CENPF: variants seen among roughly 807,000 people sequenced by gnomAD.
CENPF encodes the protein centromere protein F.
Under a neutral mutation model 307.3 loss-of-function variants are expected in CENPF, and 214 were observed. That is an observed-to-expected ratio of 0.70 (90% CI 0.62 to 0.78). The LOEUF (loss-of-function observed/expected upper bound fraction) is 0.78, where lower values mean the gene tolerates loss of function less well. CENPF is among the 30% of genes least tolerant of loss of function. The pLI, the probability that CENPF is intolerant of heterozygous loss-of-function variation, is 0.00. For synonymous variants in CENPF, 1,259 were observed against 1,270.6 expected, an observed-to-expected ratio of 0.99 and a Z score of 0.19; for missense variants, 3,401 against 3,483.9, an observed-to-expected ratio of 0.98 and a Z score of 0.60.
intron 5 of CENPF, among the ~76,000 whole-genome samples, 187 bp from the exon 6 acceptor site, chr1:214,620,468 T>C (rs373426240): frequency 6.6e-6 from 1 of 152,196 alleles, no homozygotes; most frequent in East Asian, 1.9e-4. Flanking sequence ...TGCTAAGAAG[T>C]CGAGCATTAG....
Position 214,637,984 on chromosome 1 carries a change from T to C in CENPF, c.1565T>C (p.Phe522Ser). 6.2e-7 allele frequency: 1 copy of C among 1,609,196 alleles called. No individual in the cohort carries two copies. The highest frequency in any genetic ancestry group is 8.5e-7 in the Non-Finnish European group (1 of 1,178,972). ...IKQCLNQSQN[F>S]AEEMKAKNTS... is the part of the protein sequence containing the mutation. Reference sequence around the variant, plus strand: ...CAGTGTTTAAATCAGAGCCAGAATTTTGCAGAAGAAATGAAAGGTAAGTAA... The same window carrying C: ...CAGTGTTTAAATCAGAGCCAGAATTCTGCAGAAGAAATGAAAGGTAAGTAA... Residue 522 changes from phenylalanine to serine, a missense_variant, in exon 11 of 20, where the codon TTT becomes TCT. By Grantham distance (155) the Phe-to-Ser change is radical (BLOSUM62 -2). Transcript: ENST00000366955.
chr1:214,623,440 A>G (rs1657570856), intron 7 of CENPF, among the ~76,000 whole-genome samples: 1 of 152,142 alleles, frequency 6.6e-6, no homozygotes, highest in Admixed American at 6.5e-5. Flanking sequence ...GGTATCTGCA[A>G]GGAGTCCTGG....
At chr1:214,647,812 A>G (rs1658354553) in intron 13 of CENPF, among the ~76,000 whole-genome samples, 1 of 152,182 alleles carries the variant, frequency 6.6e-6, no homozygotes, top group Non-Finnish European at 1.5e-5. Flanking sequence ...TGCCTGCCTT[A>G]CTGTGTCTTT....
chr1:214,651,917 C>G (rs760358586), intron 15 of CENPF, 31 bp downstream of exon 15: 2 of 1,547,126 alleles, frequency 1.3e-6, no homozygotes. Context: ...ACTGGGGGAG[C>G]TGGAGAGTGT....
chr1:214,615,031 A>G lies in CENPF; in HGVS notation c.359+3A>G, dbSNP rs766984223. The G allele has an allele frequency of 1.3e-6, 2 of 1,589,136 alleles. No homozygotes were observed. Among genetic ancestry groups the G allele is most frequent in the Non-Finnish European group, 1.7e-6 (2 of 1,167,358 alleles). On this transcript the variant is annotated splice_donor_region_variant and intron_variant, in intron 3 of 19. Transcript: ENST00000366955. ...AAACTGGAACAGGAACTTAAAAGGTAATATTTTGGGATGGTATTTATAGGG... is the reference window on the plus strand; with the variant it reads ...AAACTGGAACAGGAACTTAAAAGGTGATATTTTGGGATGGTATTTATAGGG...
At chr1:214,612,977 C>T in intron 1 of CENPF, 1 of 302,550 alleles carries the variant, frequency 3.3e-6, no homozygotes. Context: ...GTAACCCTGT[C>T]CTTCAGGCAG....
In CENPF at chr1:214,657,172, G is replaced by A; in HGVS notation, c.8725G>A (p.Gly2909Arg). Reference protein sequence around the residue: ...GSPLLGPVVPGPSPIPSVTEK... With the variant: ...GSPLLGPVVPRPSPIPSVTEK... ...TCCTTTGCTAGGTCCAGTTGTTCCA[G>A]GACCATCTCCAATCCCTTCTGTTAC... The change falls in exon 18 of 20, where the codon GGA becomes AGA. Residue 2909 changes from glycine (G) to arginine (R), a missense_variant. Transcript: ENST00000366955. 1 of 1,614,140 alleles carries A rather than the reference G, an allele frequency of 6.2e-7. No individual in the cohort carries two copies. Among genetic ancestry groups the A allele is most frequent in the East Asian group, 2.2e-5 (1 of 44,884 alleles).
intron 1 of CENPF, among the ~76,000 whole-genome samples, chr1:214,609,160 C>T (rs947921403): frequency 1.3e-5 from 2 of 151,980 alleles, no homozygotes; most frequent in African/African-American, 2.4e-5. Flanking sequence ...GGTCCCTCCG[C>T]GCCCCGGCCG....
At position 214,663,730 on chromosome 1, in the gene CENPF, G is replaced by A. The variant is rs569821438; in HGVS notation, c.9281G>A (p.Arg3094Gln). ...GAGGGCCTGAGGGTCAAGCGAGGCC[G>A]ACTTGTCCCCAGCCCCAAAGCTGGA... is the stretch of plus-strand genomic sequence containing the variant. ...PREGLRVKRG[R>Q]LVPSPKAGLE... Residue 3094 changes from arginine to glutamine, a missense_variant, in exon 20 of 20, where the codon CGA becomes CAA. Transcript: ENST00000366955. The A allele has an allele frequency of 3.2e-5, 51 of 1,614,054 alleles. No individual in the cohort carries two copies. Among genetic ancestry groups the A allele is most frequent in the Admixed American group, 8.3e-5 (5 of 60,014 alleles).
Position 214,652,814 on chromosome 1 carries a change from T to C in CENPF, c.8161-14T>C. On this transcript the variant is annotated splice_polypyrimidine_tract_variant and intron_variant, in intron 15 of 19. Coordinates refer to ENST00000366955, the MANE Select transcript of CENPF (RefSeq NM_016343.4). ...AAAGTAACATTTTGGTTTTTTTTGT[T>C]TGTTTTGCTCTAGTATGAAGTAGAA... The C allele has an allele frequency of 1.3e-6, 2 of 1,545,060 alleles. No individual in the cohort carries two copies. Among genetic ancestry groups the C allele is most frequent in the Non-Finnish European group, 1.7e-6 (2 of 1,150,768 alleles).
chr1:214,641,444 T>C lies in CENPF; in HGVS notation c.3106T>C (p.Tyr1036His). 3.2e-6 allele frequency: 5 copies of C among 1,554,440 alleles called. No individual in the cohort carries two copies. The highest frequency in any genetic ancestry group is 4.3e-6 in the Non-Finnish European group (5 of 1,159,300). The change falls in exon 12 of 20, where the codon TAT (tyrosine) becomes CAT (histidine). Residue 1036 changes from tyrosine to histidine, a missense_variant. Coordinates refer to ENST00000366955, the MANE Select transcript of CENPF (RefSeq NM_016343.4). ...LQRCEETGNAYEDLSQKYKAA... is the reference protein window; with the variant it reads ...LQRCEETGNAHEDLSQKYKAA... ...AAGATGTGAAGAAACCGGAAATGCATATGAGGATCTTAGTCAAAAATACAA... is the reference window on the plus strand; with the variant it reads ...AAGATGTGAAGAAACCGGAAATGCACATGAGGATCTTAGTCAAAAATACAA...
chr1:214,612,015 A>G (rs905973858), intron 1 of CENPF, among the ~76,000 whole-genome samples: 2 of 152,068 alleles, frequency 1.3e-5, no homozygotes, highest in African/African-American at 4.8e-5. Flanking sequence ...TTCCAATAGT[A>G]TGTTGAATAG....
chr1:214,609,455 G>A (rs1169761800), intron 1 of CENPF, among the ~76,000 whole-genome samples: 1 of 152,200 alleles, frequency 6.6e-6, no homozygotes, highest in Non-Finnish European at 1.5e-5. Context: ...CAGAGGAAGA[G>A]GGACAAAGTG....
Position 214,646,526 on chromosome 1 carries a change from G to T in CENPF, c.6956G>T (p.Cys2319Phe). Residue 2319 changes from cysteine (C) to phenylalanine (F), a missense_variant, in exon 13 of 20, where the codon TGT (cysteine) becomes TTT (phenylalanine). Cys to Phe is a radical substitution (Grantham distance 205, BLOSUM62 -2). Transcript: ENST00000366955. ...RLEADEKKQL[C>F]VLQQLKESEH... The stretch of plus-strand genomic sequence containing the variant: ...GAAGCTGATGAAAAGAAGCAGCTCT[G>T]TGTCTTACAACAACTGAAGGAAAGT... 1.9e-6 allele frequency: 3 copies of T among 1,614,126 alleles called. No individual in the cohort carries two copies. The highest frequency in any genetic ancestry group is 1.7e-6 in the Non-Finnish European group (2 of 1,180,028).
In CENPF at chr1:214,614,861, C is replaced by T; in HGVS notation, c.192C>T (p.Asn64=). Residue 64 remains asparagine (N), a synonymous_variant, in exon 3 of 20, where the codon AAC becomes AAT. Coordinates refer to ENST00000366955, the MANE Select transcript of CENPF (RefSeq NM_016343.4). ...KVENEKTEGT[N]LKRENQRLME... Reference sequence around the variant, plus strand: ...AAAATGAAAAAACCGAGGGTACAAACCTGAAAAGGGAGAATCAAAGATTGA... The same window carrying T: ...AAAATGAAAAAACCGAGGGTACAAATCTGAAAAGGGAGAATCAAAGATTGA... The T allele has an allele frequency of 6.3e-7, 1 of 1,599,310 alleles. No homozygotes were observed. Among genetic ancestry groups the T allele is most frequent in the South Asian group, 1.1e-5 (1 of 87,156 alleles).
At chr1:214,606,105 C>T (rs1434003842) in intron 1 of CENPF, 2 of 1,578,330 alleles carry the variant, frequency 1.3e-6, no homozygotes, top group Non-Finnish European at 1.7e-6. Context: ...CAGGGTCAGC[C>T]GCGGCCTCCG....
intron 1 of CENPF, chr1:214,605,997 C>A (rs866201823): frequency 6.9e-6 from 11 of 1,596,926 alleles, no homozygotes; most frequent in Non-Finnish European, 9.3e-6. Context: ...GCGGCACACT[C>A]GTAGCGCGAG....
At chr1:214,621,222 A>AGTGGGTTG (rs1257030961) in intron 6 of CENPF, among the ~76,000 whole-genome samples, 1 of 152,144 alleles carries the variant, frequency 6.6e-6, no homozygotes, top group Admixed American at 6.6e-5. Flanking sequence ...ATGCAGGGCG[A>AGTGGGTTG]GTGGGTTGGT....
rs548373229 is a variant in CENPF at position 214,631,291 on chromosome 1, C to T, written c.1323+629C>T. Among the ~76,000 whole-genome samples the T allele has an allele frequency of 2.0e-5, 3 of 152,194 alleles. No homozygotes were observed. In the South Asian group the frequency reaches 6.2e-4, roughly 32 times the overall value. ...CCATGTCACTTCTATTCTTCTTTTT[C>T]TCTTACACTTGAATCTGCTGCCTCT... On this transcript the variant is annotated intron_variant, in intron 9 of 19. Coordinates refer to ENST00000366955, the MANE Select transcript of CENPF (RefSeq NM_016343.4).
Sources: allele counts gnomAD v4.1 joint callset (sites outside exome capture counted in the v4.1 genomes callset), GRCh38; gene constraint gnomAD v4.1.1; transcripts MANE v1.5; gene names NCBI Gene and HGNC (gene_info 2026-07-23, HGNC 2026-07-21).